Variants in MGST2 observed in about 807,000 individuals in gnomAD.
The protein encoded by MGST2 is glutathione peroxidase MGST2.
A neutral mutation model predicts 16.6 loss-of-function variants in MGST2; 9 were observed. The ratio of observed to expected loss-of-function variants is 0.54; its 90% CI spans 0.33 to 0.95. MGST2 has a LOEUF of 0.95. MGST2 is among the 40% of genes least tolerant of loss of function. The probability of loss-of-function intolerance (pLI) is 0.03; values close to 1 mark genes in which losing one functional copy is unlikely to be tolerated. For synonymous variants in MGST2, 79 were observed against 68.0 expected (o/e 1.16, Z -0.79); for missense variants, 159 against 175.1 (o/e 0.91, Z 0.52).
intron 5 of MGST2, among the ~76,000 whole-genome samples, chr4:139,725,179 C>T (rs1456264867): frequency 6.6e-6 from 1 of 152,174 alleles, no homozygotes; most frequent in Non-Finnish European, 1.5e-5. Flanking sequence ...ATTTAGGATT[C>T]CCGCAAACGG....
At chr4:139,696,403 A>T (rs1159898664) in intron 3 of MGST2, among the ~76,000 whole-genome samples, 1 of 152,206 alleles carries the variant, frequency 6.6e-6, no homozygotes, top group Non-Finnish European at 1.5e-5. Context: ...AAAAGAAGTA[A>T]AAAAGCAGAC....
At chr4:139,720,334 A>G in intron 5 of MGST2, 1 of 1,517,510 alleles carries the variant, frequency 6.6e-7, no homozygotes, top group Middle Eastern at 1.8e-4. Flanking sequence ...CTGCAGTGAA[A>G]AAGAGGACAC....
intron 5 of MGST2, chr4:139,717,571 C>G (rs533108928): frequency 6.6e-6 from 1 of 152,294 alleles, no homozygotes; most frequent in Non-Finnish European, 1.5e-5. Flanking sequence ...ACCCCGGGTA[C>G]GCGGAGAGCA....
chr4:139,677,617 T>G (rs1315097310), intron 1 of MGST2, among the ~76,000 whole-genome samples: 1 of 152,074 alleles, frequency 6.6e-6, no homozygotes, highest in Non-Finnish European at 1.5e-5. Flanking sequence ...TTATCCTGCC[T>G]TAGCCTCCTG....
intron 2 of MGST2, among the ~76,000 whole-genome samples, chr4:139,691,642 A>G (rs1293422358): frequency 6.7e-6 from 1 of 150,332 alleles, no homozygotes; most frequent in Non-Finnish European, 1.5e-5. Flanking sequence ...TGTCAGCAAC[A>G]AACAGGGCAC....
intron 2 of MGST2, among the ~76,000 whole-genome samples, chr4:139,690,970 C>T (rs1726541617): frequency 6.6e-6 from 1 of 152,226 alleles, no homozygotes; most frequent in African/African-American, 2.4e-5. Context: ...CCACCAGACT[C>T]TTTCCAGTTC....
At chr4:139,730,639 G>A (rs1644109291) in intron 5 of MGST2, 7 of 1,613,054 alleles carry the variant, frequency 4.3e-6, no homozygotes, top group Non-Finnish European at 5.9e-6. Context: ...GGGGCCTGTG[G>A]TTCGGGGAAG....
chr4:139,753,950 G>T, the MGST2 span, among the ~76,000 whole-genome samples: 31 of 152,226 alleles, frequency 2.0e-4, no homozygotes, highest in Non-Finnish European at 3.8e-4. Context: ...GGAGACTGGG[G>T]TGGAGGGAGG....
chr4:139,722,028 C>G (rs1035574144), intron 5 of MGST2, among the ~76,000 whole-genome samples: 1 of 152,134 alleles, frequency 6.6e-6, no homozygotes, highest in Non-Finnish European at 1.5e-5. Flanking sequence ...TATAAACAGT[C>G]TGATGGGCTG....
intron 2 of MGST2, among the ~76,000 whole-genome samples, chr4:139,692,777 GA>G (rs1726685465): frequency 6.6e-6 from 1 of 152,166 alleles, no homozygotes; most frequent in Non-Finnish European, 1.5e-5. Context: ...TTTCAGATAA[GA>G]GACACAAAAG....
chr4:139,686,234 A>T (rs182330152), intron 2 of MGST2, among the ~76,000 whole-genome samples: 1 of 152,218 alleles, frequency 6.6e-6, no homozygotes, highest in Admixed American at 6.5e-5. Flanking sequence ...GGTTGAGTTT[A>T]TCTAAAGACC....
chr4:139,739,866 G>C (rs1320222267), intron 5 of MGST2, among the ~76,000 whole-genome samples: 1 of 151,788 alleles, frequency 6.6e-6, no homozygotes. Flanking sequence ...ATTTTTAAAA[G>C]CTTGTTAAGA....
At chr4:139,671,487 C>A (rs8192024) in intron 1 of MGST2, among the ~76,000 whole-genome samples, 61,212 of 150,800 alleles carry the variant, frequency 0.41, 13,574 homozygotes, top group African/African-American at 0.61. Context: ...TATATATTTT[C>A]AGACCTACTG....
chr4:139,721,606 C>A (rs1476509156), intron 5 of MGST2, among the ~76,000 whole-genome samples: 3 of 152,038 alleles, frequency 2.0e-5, no homozygotes, highest in Admixed American at 6.6e-5. Flanking sequence ...AAATATGTCT[C>A]CATAGTTTCT....
intron 3 of MGST2, among the ~76,000 whole-genome samples, chr4:139,700,544 G>C (rs1727197074): frequency 6.6e-6 from 1 of 152,212 alleles, no homozygotes. Flanking sequence ...TACAGATGAG[G>C]AAGCTGAGGT....
At chr4:139,720,688 T>C (rs888426168) in intron 5 of MGST2, among the ~76,000 whole-genome samples, 23 of 152,246 alleles carry the variant, frequency 1.5e-4, no homozygotes, top group Non-Finnish European at 3.1e-4. Flanking sequence ...AATTCTTGTT[T>C]ATACTTCAGA....
chr4:139,721,240 T>C (rs1361064335), intron 5 of MGST2, among the ~76,000 whole-genome samples: 2 of 152,120 alleles, frequency 1.3e-5, no homozygotes, highest in Non-Finnish European at 2.9e-5. Context: ...AATTAGGCAT[T>C]TGAGTGAGTC....
chr4:139,725,448 C>A (rs1441890984), intron 5 of MGST2, among the ~76,000 whole-genome samples: 2 of 152,128 alleles, frequency 1.3e-5, no homozygotes, highest in Non-Finnish European at 2.9e-5. Flanking sequence ...TAAACTATTA[C>A]AATACTATGT....
In MGST2 at chr4:139,720,254, A is replaced by G. The variant is rs771288557; in HGVS notation, c.*48+16058A>G. ...TCCCATCATGCCTGCGTTCTGTGCC[A>G]TCAGCCGTGACGTTCGCATGCTCTG... On this transcript the variant is annotated intron_variant, in intron 5 of 5. Transcript: ENST00000616265. 1.3e-5 allele frequency: 21 copies of G among 1,599,222 alleles called. No individual in the cohort carries two copies. The Admixed American group carries it at 2.5e-4, about 19-fold the overall frequency.
Sources: gnomAD v4.1 joint callset for allele counts (sites outside exome capture counted in the v4.1 genomes callset) on GRCh38, gnomAD v4.1.1 for gene constraint, MANE v1.5 for transcripts, NCBI Gene and HGNC (gene_info 2026-07-23, HGNC 2026-07-21) for gene names.